OXA1L: variants seen among roughly 807,000 people sequenced by gnomAD.
OXA1L encodes the protein mitochondrial inner membrane protein OXA1L.
OXA1L carries 42 observed loss-of-function variants against 52.2 expected under a neutral mutation model. The ratio of observed to expected loss-of-function variants is 0.80; its 90% CI spans 0.63 to 1.04. The LOEUF is 1.04. Among genes scored for constraint, OXA1L ranks in the 50% least tolerant of loss-of-function variants. OXA1L has a pLI of 0.00. For missense variants in OXA1L, 572 were observed against 555.0 expected (o/e 1.03, Z -0.31); for synonymous variants, 239 against 201.9 (o/e 1.18, Z -1.56).
chr14:22,770,722 AAG>A (rs2038451145), intron 6 of OXA1L, 81 bp from the exon 7 acceptor site: 2 of 1,541,196 alleles, frequency 1.3e-6, no homozygotes, highest in Non-Finnish European at 1.8e-6. Context: ...TTGCTGGAGA[AAG>A]AGTTGATGGG....
chr14:22,772,765 G>C lies in OXA1L; in HGVS notation c.*1207G>C, dbSNP rs1209203233. 1 of 154,582 alleles carries C rather than the reference G, an allele frequency of 6.5e-6. No individual in the cohort carries two copies. Among genetic ancestry groups the C allele is most frequent in the Non-Finnish European group, 1.4e-5 (1 of 69,688 alleles). The allele number at this position is 154,582 out of a possible 1,614,324, so 9.6% of individuals were successfully genotyped here. On this transcript the variant is annotated 3_prime_UTR_variant, in exon 10 of 10. Coordinates refer to ENST00000612549, the MANE Select transcript of OXA1L (RefSeq NM_005015.5). ...TAATCTCAGCACTTTGGGAGGCTGA[G>C]GTGGGTAGATCACTTGAGTCCAGGA...
chr14:22,772,482 C>A lies in OXA1L; in HGVS notation c.*924C>A, dbSNP rs1207411805. The A allele has an allele frequency of 6.2e-5, 5 of 80,104 alleles. No homozygotes were observed. Among genetic ancestry groups the A allele is most frequent in the Non-Finnish European group, 1.0e-4 (5 of 48,710 alleles). The allele number at this position is 80,104 out of a possible 1,614,324, so 5.0% of individuals were successfully genotyped here. On this transcript the variant is annotated 3_prime_UTR_variant, in exon 10 of 10. Transcript: ENST00000612549. ...CCAGCCTGGGCAAGAGAGTGAGACT[C>A]CTTCTCAAAAAAAAAAAAAAAAAAA...
intron 1 of OXA1L, 23 bp downstream of exon 1, chr14:22,766,787 C>T: frequency 8.7e-6 from 14 of 1,613,540 alleles, no homozygotes; most frequent in Non-Finnish European, 1.2e-5. Flanking sequence ...CGGGGCAGAG[C>T]ACCGGGATGC....
At position 22,767,985 on chromosome 14, in the gene OXA1L, A is replaced by G; in HGVS notation, c.253A>G (p.Thr85Ala). ...TCAGGCCCCTCCTGTTGTTGCTGCA[A>G]CTCCCTCACCCACAGCAGTACCTGA... ...QVQAPPVVAA[T>A]PSPTAVPEVA... is the part of the protein sequence containing the mutation. The change falls in exon 3 of 10, where the codon ACT (threonine) becomes GCT (alanine). Residue 85 changes from threonine to alanine, a missense_variant. Physicochemically the swap from Thr to Ala is moderately conservative, Grantham distance 58. Transcript: ENST00000612549. The G allele has an allele frequency of 6.2e-7, 1 of 1,612,992 alleles. No homozygotes were observed. The highest frequency in any genetic ancestry group is 8.5e-7 in the Non-Finnish European group (1 of 1,179,066).
chr14:22,770,467 A>G lies in OXA1L; in HGVS notation c.676A>G (p.Ile226Val), dbSNP rs1007328251. The stretch of plus-strand genomic sequence containing the variant: ...TGTTTATCTTGTGTAATAGGCCCCA[A>G]TCTTCATCTCCTTCTTCATTGCTTT... ...PLILPVTQAP[I>V]FISFFIALRE... Residue 226 changes from isoleucine to valine, a missense_variant, in exon 6 of 10, where the codon ATC becomes GTC. Transcript: ENST00000612549. The G allele has an allele frequency of 9.9e-6, 16 of 1,613,154 alleles. No individual in the cohort carries two copies. Among genetic ancestry groups the G allele is most frequent in the Middle Eastern group, 1.6e-4 (1 of 6,082 alleles).
At chr14:22,770,432 A>T in intron 5 of OXA1L, 29 bp from the exon 6 acceptor site, 1 of 1,607,300 alleles carries the variant, frequency 6.2e-7, no homozygotes, top group South Asian at 1.1e-5. Context: ...CTGGTAAAGC[A>T]TGCTGACACT....
intron 3 of OXA1L, 25 bp from the exon 4 acceptor site, chr14:22,769,766 T>G: frequency 6.2e-7 from 1 of 1,613,884 alleles, no homozygotes; most frequent in South Asian, 1.1e-5. Context: ...TTAATTTCAC[T>G]CCAATCCTAG....
Position 22,771,084 on chromosome 14 carries a change from C to G in OXA1L, c.1006C>G (p.Pro336Ala). The G allele has an allele frequency of 6.2e-7, 1 of 1,614,160 alleles. No individual in the cohort carries two copies. Among genetic ancestry groups the G allele is most frequent in the South Asian group, 1.1e-5 (1 of 91,078 alleles). Residue 336 changes from proline to alanine, a missense_variant, in exon 8 of 10, where the codon CCA (proline) becomes GCA (alanine). Coordinates refer to ENST00000612549, the MANE Select transcript of OXA1L (RefSeq NM_005015.5). ...GGTCCAAGTATCCTGTCTCCGGATT[C>G]CAGCAGTACGCACTGTACTTAAAAT... is the stretch of plus-strand genomic sequence containing the variant. ...SLVQVSCLRI[P>A]AVRTVLKIPQ...
Position 22,772,483 on chromosome 14 carries a change from C to A in OXA1L, c.*925C>A. 1.5e-5 allele frequency: 1 copy of A among 67,554 alleles called. No individual in the cohort carries two copies. Among genetic ancestry groups the A allele is most frequent in the Admixed American group, 2.0e-4 (1 of 5,112 alleles). 4.2% of individuals were successfully genotyped at this position (67,554 alleles called of 1,614,324 possible). On this transcript the variant is annotated 3_prime_UTR_variant, in exon 10 of 10. Transcript: ENST00000612549. The stretch of plus-strand genomic sequence containing the variant: ...CAGCCTGGGCAAGAGAGTGAGACTC[C>A]TTCTCAAAAAAAAAAAAAAAAAAAA...
Position 22,771,122 on chromosome 14 carries a change from T to C in OXA1L, c.1044T>C (p.Val348=), listed in dbSNP as rs147345665. ...CTGTACTTAAAATCCCCCAGCGTGT[T>C]GTACATGACCTGGACAAATTACCTC... ...VRTVLKIPQR[V]VHDLDKLPPR... Residue 348 remains valine (V), a synonymous_variant, in exon 8 of 10, where the codon GTT becomes GTC. Coordinates refer to ENST00000612549, the MANE Select transcript of OXA1L (RefSeq NM_005015.5). 7.5e-4 allele frequency: 1,209 copies of C among 1,614,152 alleles called. No individual in the cohort carries two copies. Among genetic ancestry groups the C allele is most frequent in the Non-Finnish European group, 9.8e-4 (1,162 of 1,180,014 alleles).
In OXA1L at chr14:22,770,441, C is replaced by G. The variant is rs772611460; in HGVS notation, c.670-20C>G. 16 of 1,609,568 alleles carry G rather than the reference C, an allele frequency of 9.9e-6. No homozygotes were observed. Among genetic ancestry groups the G allele is most frequent in the Non-Finnish European group, 1.2e-5 (14 of 1,176,282 alleles). On this transcript the variant is annotated intron_variant, in intron 5 of 9. Coordinates refer to ENST00000612549, the MANE Select transcript of OXA1L (RefSeq NM_005015.5). ...TTCTCTCTGGTAAAGCATGCTGACA[C>G]TGTTTATCTTGTGTAATAGGCCCCA...
At chr14:22,768,981 G>C (rs1184232266) in intron 3 of OXA1L, 1 of 151,896 alleles carries the variant, frequency 6.6e-6, no homozygotes, top group East Asian at 1.9e-4. Flanking sequence ...GGAGTGCAGT[G>C]GTGCAGTCTC....
intron 4 of OXA1L, 93 bp downstream of exon 4, chr14:22,770,027 T>C: frequency 6.6e-7 from 1 of 1,525,794 alleles, no homozygotes; most frequent in South Asian, 1.1e-5. Context: ...AATCAGAAGT[T>C]GCCACAGTCG....
chr14:22,769,890 C>T lies in OXA1L; in HGVS notation c.539C>T (p.Ser180Phe). Residue 180 changes from serine (S) to phenylalanine (F), a missense_variant, in exon 4 of 10, where the codon TCC becomes TTC. By Grantham distance (155) the Ser-to-Phe change is radical (BLOSUM62 -2). Transcript: ENST00000612549. ...CACTTGCCAGAGATCCAGAAGTTTT[C>T]CAGTCGAATCAGAGAGGCCAAGTTA... ...HNHLPEIQKF[S>F]SRIREAKLAG... 1 of 1,614,162 alleles carries T rather than the reference C, an allele frequency of 6.2e-7. No individual in the cohort carries two copies. Among genetic ancestry groups the T allele is most frequent in the African/African-American group, 1.3e-5 (1 of 75,038 alleles).
At chr14:22,767,568 A>T (rs2038420402) in intron 2 of OXA1L, 159 bp downstream of exon 2, 2 of 607,092 alleles carry the variant, frequency 3.3e-6, no homozygotes, top group Non-Finnish European at 5.6e-6. Flanking sequence ...ATGGATTTTC[A>T]ATTCAGTGGG....
chr14:22,767,391 C>T lies in OXA1L; in HGVS notation c.207C>T (p.Ile69=). ...SGPRSLSTSA[I]SFAEVQVQAP... ...CCCGCAGCCTCAGTACCTCTGCTAT[C>T]TCTTTTGCAGAAGTCCAGGTAAGAG... The change falls in exon 2 of 10, where the codon ATC becomes ATT. Residue 69 remains isoleucine, a synonymous_variant. Transcript: ENST00000612549. 2 of 1,609,222 alleles carry T rather than the reference C, an allele frequency of 1.2e-6. No individual in the cohort carries two copies. Among genetic ancestry groups the T allele is most frequent in the Non-Finnish European group, 1.7e-6 (2 of 1,178,418 alleles).
intron 2 of OXA1L, 104 bp downstream of exon 2, chr14:22,767,513 C>A: frequency 1.1e-6 from 1 of 949,454 alleles, no homozygotes; most frequent in Non-Finnish European, 1.6e-6. Context: ...GAGTTCTTGT[C>A]CACGCTCCAC....
chr14:22,770,599 A>C lies in OXA1L; in HGVS notation c.808A>C (p.Thr270Pro). The C allele has an allele frequency of 6.2e-7, 1 of 1,613,076 alleles. No individual in the cohort carries two copies. Among genetic ancestry groups the C allele is most frequent in the Middle Eastern group, 1.7e-4 (1 of 5,954 alleles). ...DPIYILPLAVTATMWAVLELG... is the reference protein window; with the variant it reads ...DPIYILPLAVPATMWAVLELG... ...CATCTACATATTACCACTGGCAGTC[A>C]CTGCTACAATGTGGGCTGTTCTTGA... Residue 270 changes from threonine (T) to proline (P), a missense_variant, in exon 6 of 10, where the codon ACT becomes CCT. Thr to Pro is a conservative substitution (Grantham distance 38, BLOSUM62 -1). Coordinates refer to ENST00000612549, the MANE Select transcript of OXA1L (RefSeq NM_005015.5).
chr14:22,767,855 A>G (rs2038422722), intron 2 of OXA1L, 103 bp from the exon 3 acceptor site: 3 of 840,992 alleles, frequency 3.6e-6, no homozygotes, highest in Admixed American at 2.9e-5. Context: ...TGGAAGAACA[A>G]GAAGTAGAGA....
Sources: allele counts gnomAD v4.1 joint callset, GRCh38; gene constraint gnomAD v4.1.1; transcripts MANE v1.5; gene names NCBI Gene and HGNC (gene_info 2026-07-23, HGNC 2026-07-21).